Variants in MRS2 observed in about 807,000 individuals in gnomAD.
MRS2 encodes magnesium transporter MRS2.
Under a neutral mutation model 52.6 loss-of-function variants are expected in MRS2, and 40 were observed. The observed-to-expected ratio is 0.76, with a 90% CI of 0.59 to 0.99. MRS2 has a LOEUF of 0.99. Among genes scored for constraint, MRS2 ranks in the 50% least tolerant of loss-of-function variants. The pLI is 0.00. For missense variants in MRS2, 472 were observed against 532.7 expected, an observed-to-expected ratio of 0.89 and a Z score of 1.12; for synonymous variants, 193 against 195.9, an observed-to-expected ratio of 0.98 and a Z score of 0.13.
chr6:24,404,105 A>T (rs1408383791), intron 1 of MRS2, among the ~76,000 whole-genome samples: 1 of 152,210 alleles, frequency 6.6e-6, no homozygotes, highest in Non-Finnish European at 1.5e-5. Flanking sequence ...ATGTTTTCTC[A>T]ATTGTGCTCT....
In MRS2 at chr6:24,425,069, G is replaced by C. The variant is rs535781395; in HGVS notation, c.*1375G>C. ...CCACCACACTGTGGGTCAGGAACAC[G>C]CGTCATGGTGTTCTTGTCGGAATGT... On this transcript the variant is annotated 3_prime_UTR_variant, in exon 11 of 11. Coordinates refer to ENST00000378386, the MANE Select transcript of MRS2 (RefSeq NM_020662.4). The C allele has an allele frequency of 6.6e-6, 1 of 152,220 alleles. No individual in the cohort carries two copies. Among genetic ancestry groups the C allele is most frequent in the Non-Finnish European group, 1.5e-5 (1 of 68,046 alleles). The allele number at this position is 152,220 out of a possible 1,614,324, so 9.4% of individuals were successfully genotyped here. A position where few individuals can be genotyped will look rare whatever the true frequency, so the allele number is the denominator to read the frequency against.
intron 5 of MRS2, among the ~76,000 whole-genome samples, chr6:24,414,304 G>T (rs912180109): frequency 6.6e-6 from 1 of 151,950 alleles, no homozygotes. Context: ...GCCGCCTTCC[G>T]CAGTGTTTGT....
At chr6:24,406,259 T>C (rs571973612) in intron 2 of MRS2, among the ~76,000 whole-genome samples, 4 of 152,306 alleles carry the variant, frequency 2.6e-5, no homozygotes, top group Admixed American at 2.0e-4. Flanking sequence ...ACCTACCATA[T>C]AGAATTGTTA....
At chr6:24,408,313 T>A in intron 2 of MRS2, 95 bp from the exon 3 acceptor site, 1 of 807,740 alleles carries the variant, frequency 1.2e-6, no homozygotes, top group Non-Finnish European at 2.1e-6. Context: ...GGGATATTAC[T>A]TACAATACCA....
At chr6:24,421,584 T>A (rs1297034088) in intron 9 of MRS2, among the ~76,000 whole-genome samples, 1 of 118,146 alleles carries the variant, frequency 8.5e-6, no homozygotes, top group Non-Finnish European at 2.1e-5. Context: ...ATTCCAAATA[T>A]CAACATTTTA....
At chr6:24,403,625 C>A (rs554956319) in intron 1 of MRS2, among the ~76,000 whole-genome samples, 1 of 152,284 alleles carries the variant, frequency 6.6e-6, no homozygotes, top group Admixed American at 6.5e-5. Flanking sequence ...TACTATGTTG[C>A]CCAGGCTGGA....
intron 5 of MRS2, 142 bp from the exon 6 acceptor site, chr6:24,414,891 C>A (rs1001432206): frequency 7.5e-5 from 47 of 624,664 alleles, no homozygotes; most frequent in Admixed American, 6.6e-4. Context: ...CTGGAATAGG[C>A]ATTCTAGAAT....
At chr6:24,413,477 G>C (rs1761735036) in intron 5 of MRS2, among the ~76,000 whole-genome samples, 1 of 152,154 alleles carries the variant, frequency 6.6e-6, no homozygotes, top group African/African-American at 2.4e-5. Flanking sequence ...ACCCACCTAA[G>C]GGACCAAGAC....
intron 10 of MRS2, 114 bp downstream of exon 10, chr6:24,423,164 T>C: frequency 1.3e-6 from 1 of 754,546 alleles, no homozygotes. Context: ...CGAGTTGCTT[T>C]CTCAAACTTC....
intron 4 of MRS2, 25 bp downstream of exon 4, chr6:24,409,598 G>T (rs1761586578): frequency 2.9e-6 from 4 of 1,380,630 alleles, no homozygotes; most frequent in African/African-American, 1.4e-5. Context: ...TTTCATCTAT[G>T]TTTCTCCAAT....
At chr6:24,414,103 T>C (rs759528666) in intron 5 of MRS2, among the ~76,000 whole-genome samples, 4 of 152,202 alleles carry the variant, frequency 2.6e-5, no homozygotes, top group Non-Finnish European at 5.9e-5. Flanking sequence ...TTTTACTTGA[T>C]CCCTCATTAC....
At chr6:24,414,884 G>C (rs1761795470) in intron 5 of MRS2, 149 bp from the exon 6 acceptor site, 1 of 600,732 alleles carries the variant, frequency 1.7e-6, no homozygotes. Context: ...GAATCATCTG[G>C]AATAGGCATT....
At chr6:24,410,332 C>A (rs901318992) in intron 4 of MRS2, among the ~76,000 whole-genome samples, 1 of 152,046 alleles carries the variant, frequency 6.6e-6, no homozygotes, top group African/African-American at 2.4e-5. Flanking sequence ...TTTTCCCTTA[C>A]CTATTCAGAG....
Position 24,412,126 on chromosome 6 carries a change from CAT to C in MRS2, c.415-87_415-86del, listed in dbSNP as rs1167140194. ...TTTTTTCCTACAGCTCTACAATTTG[CAT>C]ATATATATGTATGTATACATATATA... On this transcript the variant is annotated intron_variant, in intron 4 of 10. Coordinates refer to ENST00000378386, the MANE Select transcript of MRS2 (RefSeq NM_020662.4). The C allele has an allele frequency of 3.1e-4, 190 of 609,708 alleles. 1 individual carries two copies. The highest frequency in any genetic ancestry group is 2.7e-3 in the African/African-American group (139 of 51,578). 37.8% of individuals were successfully genotyped at this position (609,708 alleles called of 1,614,324 possible).
At position 24,403,165 on chromosome 6, in the gene MRS2, G is replaced by T; in HGVS notation, c.119G>T (p.Gly40Val). The change falls in exon 1 of 11, where the codon GGC (glycine) becomes GTC (valine). Residue 40 changes from glycine to valine, a missense_variant. Gly to Val is a moderately radical substitution (Grantham distance 109). Transcript: ENST00000378386. ...GTGGGTCCTCCCGTTGCTGCCTGCG[G>T]CCGCCGAGCCAACCTGATTGGAAGG... ...TSVGPPVAAC[G>V]RRANLIGRSR... 1 of 1,608,654 alleles carries T rather than the reference G, an allele frequency of 6.2e-7. No individual in the cohort carries two copies.
intron 9 of MRS2, among the ~76,000 whole-genome samples, chr6:24,419,397 T>C (rs968742173): frequency 1.3e-5 from 2 of 152,164 alleles, no homozygotes; most frequent in Non-Finnish European, 2.9e-5. Flanking sequence ...TAATTACAGA[T>C]GGGAAAGGTG....
chr6:24,419,448 T>G (rs1231949887), intron 9 of MRS2, among the ~76,000 whole-genome samples: 1 of 151,724 alleles, frequency 6.6e-6, no homozygotes, highest in East Asian at 1.9e-4. Flanking sequence ...TAATGAAGAG[T>G]TTTTATTTTT....
At chr6:24,405,831 C>A (rs185622576) in intron 2 of MRS2, among the ~76,000 whole-genome samples, 65 of 141,340 alleles carry the variant, frequency 4.6e-4, no homozygotes, top group African/African-American at 1.7e-3. Flanking sequence ...GCCGGCCGGG[C>A]GTGGTGGCTC....
At chr6:24,420,542 G>A (rs1005184283) in intron 9 of MRS2, among the ~76,000 whole-genome samples, 1 of 152,212 alleles carries the variant, frequency 6.6e-6, no homozygotes, top group African/African-American at 2.4e-5. Flanking sequence ...CAGTGAGTCT[G>A]CCCTTGCGTA....
Sources: allele counts gnomAD v4.1 joint callset (sites outside exome capture counted in the v4.1 genomes callset), GRCh38; gene constraint gnomAD v4.1.1; transcripts MANE v1.5; gene names NCBI Gene and HGNC (gene_info 2026-07-23, HGNC 2026-07-21).